The following GREB1 variants were observed in gnomAD, a reference collection of about 807,000 sequenced individuals.
The protein encoded by GREB1 is growth regulating estrogen receptor binding 1.
Under a neutral mutation model 200.7 loss-of-function variants are expected in GREB1, and 106 were observed. That is an observed-to-expected ratio of 0.53 (90% CI 0.45 to 0.62). The LOEUF is 0.62. GREB1 is among the 20% of genes least tolerant of loss of function. The probability of loss-of-function intolerance (pLI) is 0.00; values close to 1 mark genes in which losing one functional copy is unlikely to be tolerated. For synonymous variants in GREB1, 1,132 were observed against 1,092.4 expected (o/e 1.04, Z -0.72); for missense variants, 2,243 against 2,556.8 (o/e 0.88, Z 2.65).
At chr2:11,618,996 G>GTCACACTCCC in intron 22 of GREB1, 77 bp downstream of exon 22, 4 of 1,307,100 alleles carry the variant, frequency 3.1e-6, no homozygotes, top group Non-Finnish European at 4.1e-6. Context: ...GCAGGCCTGG[G>GTCACACTCCC]GGTGACCGCA....
At chr2:11,638,624 G>GTAT in intron 31 of GREB1, 47 bp from the exon 32 acceptor site, 1 of 1,589,698 alleles carries the variant, frequency 6.3e-7, no homozygotes, top group African/African-American at 1.4e-5. Context: ...ATGTTACTGA[G>GTAT]CATTTCATAG....
In GREB1 at chr2:11,554,075, C is replaced by A. The variant is rs115392006; in HGVS notation, c.-161-2379C>A. Among the ~76,000 whole-genome samples, 1,336 of 152,284 alleles carry A rather than the reference C, an allele frequency of 8.8e-3. 12 individuals are homozygous for A. Among genetic ancestry groups the A allele is most frequent in the African/African-American group, 0.031 (1,274 of 41,564 alleles). ...AGGTGTCCCCAAATGTGGCTGGCAA[C>A]CCCTCAGTCACATATTAAAGTCTGC... On this transcript the variant is annotated intron_variant, in intron 1 of 32. Transcript: ENST00000381486.
intron 24 of GREB1, among the ~76,000 whole-genome samples, chr2:11,625,955 G>A (rs374874605): frequency 6.6e-5 from 10 of 152,296 alleles, no homozygotes; most frequent in South Asian, 6.2e-4. Flanking sequence ...GCAAGAGAGA[G>A]TGAGAGCCCA....
chr2:11,627,171 C>T, intron 25 of GREB1, 67 bp downstream of exon 25: 2 of 1,405,802 alleles, frequency 1.4e-6, no homozygotes, highest in Non-Finnish European at 1.9e-6. Context: ...CCTGCTCTCT[C>T]ACGCTTTCAT....
intron 2 of GREB1, chr2:11,561,141 C>G (rs957476946): frequency 2.6e-5 from 4 of 152,154 alleles, no homozygotes; most frequent in Non-Finnish European, 5.9e-5. Flanking sequence ...CTGACCTGTT[C>G]AACAGTGACC....
Position 11,597,830 on chromosome 2 carries a change from G to T in GREB1, c.2004G>T (p.Ala668=). 1.2e-6 allele frequency: 2 copies of T among 1,614,182 alleles called. No homozygotes were observed. The highest frequency in any genetic ancestry group is 1.7e-6 in the Non-Finnish European group (2 of 1,180,026). Residue 668 remains alanine, a synonymous_variant, in exon 14 of 33, where the codon GCG becomes GCT. Coordinates refer to ENST00000381486, the MANE Select transcript of GREB1 (RefSeq NM_014668.4). The surrounding 1 kb of genome is among the most constrained non-coding windows in gnomAD (Gnocchi z 4.1). The part of the protein sequence containing the change: ...HSIRPFQLAV[A]QKLLSHVCSI... ...TCCGGCCCTTCCAGCTGGCAGTAGCGCAGAAGCTCCTCTCCCATGTGTGTT... is the reference window on the plus strand; with the variant it reads ...TCCGGCCCTTCCAGCTGGCAGTAGCTCAGAAGCTCCTCTCCCATGTGTGTT...
intron 1 of GREB1, among the ~76,000 whole-genome samples, chr2:11,547,971 G>A (rs542242148): frequency 3.9e-5 from 6 of 152,144 alleles, no homozygotes; most frequent in South Asian, 2.1e-4. Flanking sequence ...TTCTTGAGCC[G>A]AGGAGTTTGA....
At chr2:11,557,080 G>A (rs6749404) in intron 2 of GREB1, among the ~76,000 whole-genome samples, 43,779 of 152,122 alleles carry the variant, frequency 0.29, 10,903 homozygotes, top group African/African-American at 0.68. Flanking sequence ...GAAAAGCAAG[G>A]AATTTTAACA....
intron 1 of GREB1, among the ~76,000 whole-genome samples, chr2:11,537,452 C>G (rs1216297027): frequency 1.3e-5 from 2 of 151,772 alleles, no homozygotes; most frequent in African/African-American, 4.8e-5. Flanking sequence ...ACTTTTCTCC[C>G]ATTTTTCAGT....
chr2:11,576,601 C>A lies in GREB1; in HGVS notation c.637+66C>A, dbSNP rs542546874. 16 of 1,253,410 alleles carry A rather than the reference C, an allele frequency of 1.3e-5. No homozygotes were observed. In the African/African-American group the frequency reaches 1.9e-4, roughly 15 times the overall value. 77.6% of individuals were successfully genotyped at this position (1,253,410 alleles called of 1,614,324 possible). A position where few individuals can be genotyped will look rare whatever the true frequency, so the allele number is the denominator to read the frequency against. On this transcript the variant is annotated intron_variant, in intron 5 of 32. Transcript: ENST00000381486. ...CCCCCAAGTGGGCCGTGGTGCCTGT[C>A]GGTGTGATGCTGGGGAGAGGCCCCT...
chr2:11,539,391 G>C (rs1156844076), intron 1 of GREB1, among the ~76,000 whole-genome samples: 1 of 152,086 alleles, frequency 6.6e-6, no homozygotes, highest in Non-Finnish European at 1.5e-5. Context: ...GGCCTCTCCA[G>C]GGGGTTTTTG....
At chr2:11,497,970 ACT>A (rs1672931435) in intron 1 of GREB1, among the ~76,000 whole-genome samples, 1 of 88,676 alleles carries the variant, frequency 1.1e-5, no homozygotes, top group Non-Finnish European at 2.3e-5. Flanking sequence ...GCAGAGCAAA[ACT>A]TTTTTTTTTT....
chr2:11,589,597 A>G lies in GREB1; in HGVS notation c.1345+666A>G, dbSNP rs184501132. Among the ~76,000 whole-genome samples the G allele has an allele frequency of 2.4e-3, 361 of 152,334 alleles. 4 individuals carry two copies. The highest frequency in any genetic ancestry group is 8.2e-3 in the African/African-American group (340 of 41,576). Reference sequence around the variant, plus strand: ...AGAAGCCATTGGAGTATTTTTAGACAGGGGATGGAGGTGATCTGATTTTCA... The same window carrying G: ...AGAAGCCATTGGAGTATTTTTAGACGGGGGATGGAGGTGATCTGATTTTCA... On this transcript the variant is annotated intron_variant, in intron 10 of 32. Transcript: ENST00000381486.
intron 13 of GREB1, among the ~76,000 whole-genome samples, chr2:11,596,993 G>A (rs1432554820): frequency 1.3e-5 from 2 of 152,020 alleles, no homozygotes; most frequent in East Asian, 3.9e-4. Context: ...AGTGACATGG[G>A]GCAGTGGGCA....
At position 11,618,295 on chromosome 2, in the gene GREB1, G is replaced by T; in HGVS notation, c.3420G>T (p.Ala1140=). 1.3e-6 allele frequency: 2 copies of T among 1,549,294 alleles called. No homozygotes were observed. The highest frequency in any genetic ancestry group is 2.3e-5 in the East Asian group (1 of 44,216). Residue 1140 remains alanine (A), a synonymous_variant, in exon 22 of 33, where the codon GCG becomes GCT. Transcript: ENST00000381486. ...SSLSSKASGS[A]LGGESSAQPT... Reference sequence around the variant, plus strand: ...ATGTTCGTCTCTCCTCAGGTTCAGCGCTCGGTGGCGAGTCCTCGGCTCAGC... The same window carrying T: ...ATGTTCGTCTCTCCTCAGGTTCAGCTCTCGGTGGCGAGTCCTCGGCTCAGC...
chr2:11,585,266 C>G lies in GREB1; in HGVS notation c.1007C>G (p.Ala336Gly). Residue 336 changes from alanine to glycine, a missense_variant, in exon 8 of 33, where the codon GCT becomes GGT. Physicochemically the swap from Ala to Gly is moderately conservative, Grantham distance 60. Around this residue, in one of 3 missense-constraint regions of GREB1, gnomAD observed 1,178 missense variants for 1,387.4 expected, o/e 0.85. Transcript: ENST00000381486. The stretch of plus-strand genomic sequence containing the variant: ...TGCCCCCAAGGTGGTGGGAACAGAG[C>G]TAAGTATGGTAAGTGATGGCAGCCT... ...GGCPQGGGNR[A>G]KYESAGMSCV... The G allele has an allele frequency of 6.5e-7, 1 of 1,532,124 alleles. No homozygotes were observed. The highest frequency in any genetic ancestry group is 1.4e-5 in the African/African-American group (1 of 71,970). The allele number at this position is 1,532,124 out of a possible 1,614,324, so 94.9% of individuals were successfully genotyped here.
intron 3 of GREB1, among the ~76,000 whole-genome samples, chr2:11,564,186 G>C (rs960611312): frequency 6.6e-6 from 1 of 152,174 alleles, no homozygotes; most frequent in Non-Finnish European, 1.5e-5. Flanking sequence ...GCTTGGAGGA[G>C]TGATGAGACG....
chr2:11,629,812 T>G lies in GREB1; in HGVS notation c.4450-136T>G. 1 of 814,640 alleles carries G rather than the reference T, an allele frequency of 1.2e-6. No individual in the cohort carries two copies. The highest frequency in any genetic ancestry group is 1.8e-5 in the South Asian group (1 of 56,252). The allele number at this position is 814,640 out of a possible 1,614,324, so 50.5% of individuals were successfully genotyped here. On this transcript the variant is annotated intron_variant, in intron 25 of 32. Coordinates refer to ENST00000381486, the MANE Select transcript of GREB1 (RefSeq NM_014668.4). This position sits in a 1 kb window ranked among gnomAD's most constrained non-coding sequence, Gnocchi z 5.2. ...TGGGTGTCTGCACTTTGCACTGGAGTCACCCCGTGGGTTTCTTGTGCTGTA... is the reference window on the plus strand; with the variant it reads ...TGGGTGTCTGCACTTTGCACTGGAGGCACCCCGTGGGTTTCTTGTGCTGTA...
chr2:11,618,691 T>C lies in GREB1; in HGVS notation c.3816T>C (p.Thr1272=), dbSNP rs1683730283. The C allele has an allele frequency of 1.2e-6, 2 of 1,613,652 alleles. No homozygotes were observed. Among genetic ancestry groups the C allele is most frequent in the Admixed American group, 1.7e-5 (1 of 59,998 alleles). Residue 1272 remains threonine, a synonymous_variant, in exon 22 of 33, where the codon ACT becomes ACC. Transcript: ENST00000381486. The part of the protein sequence containing the change: ...PKLVYDMVVS[T]DSSGLPKAAS... ...TCGTGTACGACATGGTTGTGTCCAC[T>C]GACAGCAGTGGCCTGCCCAAGGCCG...
Sources: allele counts gnomAD v4.1 joint callset (sites outside exome capture counted in the v4.1 genomes callset), GRCh38; gene constraint gnomAD v4.1.1; regional missense constraint gnomAD v4.1.1; non-coding constraint Gnocchi (gnomAD v3.1); transcripts MANE v1.5; gene names NCBI Gene and HGNC (gene_info 2026-07-23, HGNC 2026-07-21).